Variants in FTO observed in about 807,000 individuals in gnomAD.
FTO encodes the protein alpha-ketoglutarate-dependent dioxygenase FTO.
In FTO, 47 loss-of-function variants were observed where a neutral mutation model predicts 63.9. That is an observed-to-expected ratio of 0.74 (90% CI 0.58 to 0.94). FTO has a LOEUF of 0.94. Among genes scored for constraint, FTO ranks in the 40% least tolerant of loss-of-function variants. FTO has a pLI of 0.00. For missense variants in FTO, 562 were observed against 618.1 expected (o/e 0.91, Z 0.96); for synonymous variants, 207 against 224.4 (o/e 0.92, Z 0.69).
At chr16:53,988,442 G>A (rs2083724449) in intron 8 of FTO, among the ~76,000 whole-genome samples, 2 of 152,082 alleles carry the variant, frequency 1.3e-5, no homozygotes, top group Non-Finnish European at 1.5e-5. Context: ...CAACTTTTAA[G>A]GGTTTTTTTA....
intron 4 of FTO, among the ~76,000 whole-genome samples, chr16:53,846,566 C>T (rs1439642605): frequency 1.3e-5 from 2 of 151,910 alleles, no homozygotes; most frequent in Non-Finnish European, 2.9e-5. Context: ...TTTGGGAGGC[C>T]GAGGCAGGTG....
chr16:53,850,353 G>A (rs182817169), intron 4 of FTO, among the ~76,000 whole-genome samples: 1 of 150,964 alleles, frequency 6.6e-6, no homozygotes, highest in Non-Finnish European at 1.5e-5. Context: ...TTTTTTTCCA[G>A]GGATGAGGAT....
At chr16:54,031,328 G>A (rs1256502728) in intron 8 of FTO, among the ~76,000 whole-genome samples, 3 of 152,184 alleles carry the variant, frequency 2.0e-5, no homozygotes, top group Non-Finnish European at 4.4e-5. Context: ...TGTTGCGGCA[G>A]AAAAACAGTT....
chr16:54,074,895 G>GGAGA (rs71380061), intron 8 of FTO, among the ~76,000 whole-genome samples: 16 of 141,966 alleles, frequency 1.1e-4, no homozygotes, highest in Admixed American at 2.2e-4. Context: ...CTGGAAAGAG[G>GGAGA]GAGAGAGAGA....
intron 8 of FTO, among the ~76,000 whole-genome samples, chr16:53,989,885 G>A (rs1420283107): frequency 1.3e-5 from 2 of 151,572 alleles, no homozygotes; most frequent in African/African-American, 2.4e-5. Context: ...AGACAATGAG[G>A]ATGAAGACCT....
At chr16:53,885,070 A>G (rs961818580) in intron 6 of FTO, among the ~76,000 whole-genome samples, 2 of 152,228 alleles carry the variant, frequency 1.3e-5, no homozygotes, top group Non-Finnish European at 2.9e-5. Context: ...TTCATCAGTC[A>G]GTCAATATGG....
At chr16:53,984,474 A>G (rs2083620553) in intron 8 of FTO, among the ~76,000 whole-genome samples, 1 of 150,210 alleles carries the variant, frequency 6.7e-6, no homozygotes, top group Admixed American at 6.6e-5. Context: ...AGCGCCCACC[A>G]CGATACCTGA....
chr16:53,788,581 C>A (rs902682392), intron 1 of FTO, among the ~76,000 whole-genome samples: 1 of 134,730 alleles, frequency 7.4e-6, no homozygotes, highest in South Asian at 2.4e-4. Flanking sequence ...CCAGCCTGGG[C>A]GACAGAGCTA....
At chr16:53,787,595 C>T (rs765122575) in intron 1 of FTO, among the ~76,000 whole-genome samples, 1 of 152,012 alleles carries the variant, frequency 6.6e-6, no homozygotes, top group Non-Finnish European at 1.5e-5. Context: ...GTAGGAGAAG[C>T]CTGATTGTTC....
intron 1 of FTO, among the ~76,000 whole-genome samples, chr16:53,765,311 C>G (rs796470958): frequency 2.6e-5 from 4 of 151,920 alleles, no homozygotes; most frequent in African/African-American, 7.2e-5. Context: ...AATCCTAGCA[C>G]TTTGGAAGGC....
Position 53,760,227 on chromosome 16 carries a change from TG to T in FTO, c.46-49912del, listed in dbSNP as rs1567962729. On this transcript the variant is annotated intron_variant, in intron 1 of 8. Transcript: ENST00000471389. ...TTTGGTGTGTGTGTGTGTGTGTGTG[TG>T]TGTGTGTGTGTGTGTGTGTGTGTGT... Among the ~76,000 whole-genome samples the T allele has an allele frequency of 1.7e-3, 199 of 120,474 alleles. 13 individuals carry two copies. Among genetic ancestry groups the T allele is most frequent in the African/African-American group, 4.2e-3 (113 of 26,830 alleles). The allele number at this position is 120,474 out of a possible 152,430, so 79.0% of individuals were successfully genotyped here.
chr16:54,048,126 T>TAAAAA (rs71380060), intron 8 of FTO, among the ~76,000 whole-genome samples: 12,496 of 53,204 alleles, frequency 0.23, 1,061 homozygotes, highest in East Asian at 0.33. Context: ...AAAAAAAAAT[T>TAAAAA]AAAAAAAAAA....
intron 8 of FTO, among the ~76,000 whole-genome samples, chr16:54,009,197 G>C (rs2144060520): frequency 6.6e-6 from 1 of 152,104 alleles, no homozygotes; most frequent in Non-Finnish European, 1.5e-5. Flanking sequence ...CCCTTTTTCT[G>C]CTGCTGTAAA....
chr16:53,724,798 C>A (rs535803637), intron 1 of FTO, among the ~76,000 whole-genome samples: 5 of 152,122 alleles, frequency 3.3e-5, no homozygotes, highest in African/African-American at 1.2e-4. Context: ...GAGTCGGAAG[C>A]CCCGAGGAAG....
At chr16:53,764,014 C>T (rs1310189552) in intron 1 of FTO, 1 of 152,154 alleles carries the variant, frequency 6.6e-6, no homozygotes, top group Non-Finnish European at 1.5e-5. Flanking sequence ...TCCAGCAAGT[C>T]CTGAACCTAA....
rs780770767 is a variant in FTO at position 54,120,825 on chromosome 16, A to C, written c.*8910A>C. On this transcript the variant is annotated 3_prime_UTR_variant, in exon 9 of 9. Transcript: ENST00000471389. ...GAGAACCTTTGTTACTCTAGAAAAC[A>C]GTGTGTGTGCTATTGTTTTCTCCAT... is the stretch of plus-strand genomic sequence containing the variant. The C allele has an allele frequency of 1.1e-4, 16 of 152,198 alleles. No individual in the cohort carries two copies. Among genetic ancestry groups the C allele is most frequent in the Non-Finnish European group, 1.6e-4 (11 of 68,046 alleles). The allele number at this position is 152,198 out of a possible 1,614,324, so 9.4% of individuals were successfully genotyped here.
chr16:53,927,517 C>T (rs1422542064), intron 7 of FTO, among the ~76,000 whole-genome samples: 4 of 152,008 alleles, frequency 2.6e-5, no homozygotes, highest in East Asian at 1.9e-4. Context: ...AAGGTAGAAG[C>T]GTAGAGATGT....
At chr16:53,778,017 T>C (rs965027114) in intron 1 of FTO, among the ~76,000 whole-genome samples, 4 of 152,188 alleles carry the variant, frequency 2.6e-5, no homozygotes, top group South Asian at 4.1e-4. Context: ...GTATGTTTAC[T>C]ATTTTGTCAC....
chr16:54,024,222 T>G (rs1317773392), intron 8 of FTO, among the ~76,000 whole-genome samples: 1 of 152,132 alleles, frequency 6.6e-6, no homozygotes, highest in Non-Finnish European at 1.5e-5. Flanking sequence ...GCTGTTTTTC[T>G]GTTTGTTTGT....
Sources: allele counts gnomAD v4.1 joint callset (sites outside exome capture counted in the v4.1 genomes callset), GRCh38; gene constraint gnomAD v4.1.1; transcripts MANE v1.5; gene names NCBI Gene and HGNC (gene_info 2026-07-23, HGNC 2026-07-21).